LSP1: variants seen among roughly 807,000 people sequenced by gnomAD.
LSP1 encodes the protein lymphocyte-specific protein 1.
LSP1 carries 32 observed loss-of-function variants against 49.3 expected under a neutral mutation model. The ratio of observed to expected loss-of-function variants is 0.65; its 90% CI spans 0.49 to 0.87. The LOEUF is 0.87. Among genes scored for constraint, LSP1 ranks in the 40% least tolerant of loss-of-function variants. LSP1 has a pLI of 0.00. For missense variants in LSP1, 428 were observed against 442.6 expected (o/e 0.97, Z 0.30); for synonymous variants, 179 against 178.8 (o/e 1.00, Z -0.01).
intron 1 of LSP1, among the ~76,000 whole-genome samples, chr11:1,877,859 G>C (rs1371348220): frequency 2.0e-5 from 3 of 152,036 alleles, no homozygotes; most frequent in African/African-American, 4.8e-5. Flanking sequence ...TCCATGTGTT[G>C]GGCATGAGCT....
chr11:1,876,653 G>T (rs756476501), intron 1 of LSP1: 5 of 984,602 alleles, frequency 5.1e-6, no homozygotes, highest in Non-Finnish European at 6.0e-6. Context: ...GAGGTGGGTA[G>T]CTGGGAGTGC....
chr11:1,863,477 A>G (rs1847694891), intron 1 of LSP1: 1 of 152,200 alleles, frequency 6.6e-6, no homozygotes, highest in Non-Finnish European at 1.5e-5. Context: ...CCAGGCCCTC[A>G]CTCTGTGACC....
At chr11:1,866,354 G>C in intron 1 of LSP1, 1 of 913,480 alleles carries the variant, frequency 1.1e-6, no homozygotes. Context: ...GAGACTCTGA[G>C]AGGCCAGAGA....
chr11:1,856,456 G>GC (rs1285683445), intron 1 of LSP1, among the ~76,000 whole-genome samples: 1 of 152,244 alleles, frequency 6.6e-6, no homozygotes, highest in South Asian at 2.1e-4. Context: ...GGCCTGCCCA[G>GC]CCCGCGGTGG....
chr11:1,887,619 C>CGTGT, intron 10 of LSP1, 43 bp downstream of exon 10: 3 of 1,501,248 alleles, frequency 2.0e-6, no homozygotes, highest in Non-Finnish European at 1.8e-6. Flanking sequence ...GGTGCACACA[C>CGTGT]GTGCACTGTG....
At chr11:1,878,070 C>A (rs371035196) in intron 1 of LSP1, among the ~76,000 whole-genome samples, 1 of 151,988 alleles carries the variant, frequency 6.6e-6, no homozygotes, top group East Asian at 1.9e-4. Context: ...AGCCCAGGTC[C>A]AAGGAGGAGC....
At position 1,886,856 on chromosome 11, in the gene LSP1, C is replaced by G. The variant is rs138247091; in HGVS notation, c.842C>G (p.Pro281Arg). 1.2e-6 allele frequency: 2 copies of G among 1,611,230 alleles called. No individual in the cohort carries two copies. The highest frequency in any genetic ancestry group is 1.7e-5 in the Admixed American group (1 of 59,940). Residue 281 changes from proline (P) to arginine (R), a missense_variant, in exon 8 of 11, where the codon CCG becomes CGG. Coordinates refer to ENST00000311604, the MANE Select transcript of LSP1 (RefSeq NM_002339.3). ...EVQAQSAAKT[P>R]SCKDIVAGDM... Reference sequence around the variant, plus strand: ...CAGGCTCAGTCTGCGGCCAAGACTCCGTCCTGCAAGGTAAGGTCCCCTCCA... The same window carrying G: ...CAGGCTCAGTCTGCGGCCAAGACTCGGTCCTGCAAGGTAAGGTCCCCTCCA...
At chr11:1,875,676 G>A (rs1404144780) in intron 1 of LSP1, among the ~76,000 whole-genome samples, 1 of 152,230 alleles carries the variant, frequency 6.6e-6, no homozygotes, top group Non-Finnish European at 1.5e-5. Context: ...ACCCTCCCCT[G>A]CCATGCCCAG....
In LSP1 at chr11:1,883,298, C is replaced by T. The variant is rs7926382; in HGVS notation, c.357-121C>T. 6.8e-3 allele frequency: 8,512 copies of T among 1,248,750 alleles called. 395 individuals are homozygous for T. In the African/African-American group the frequency reaches 0.11, roughly 16 times the overall value. The allele number at this position is 1,248,750 out of a possible 1,614,324, so 77.4% of individuals were successfully genotyped here. The stretch of plus-strand genomic sequence containing the variant: ...TGGGCTTGGGTCTCAGATCCCTTGG[C>T]ACTCAAGTAGCCTGACTACCTTCAT... On this transcript the variant is annotated intron_variant, in intron 3 of 10. Transcript: ENST00000311604.
chr11:1,889,809 G>A, intron 10 of LSP1: 1 of 638,846 alleles, frequency 1.6e-6, no homozygotes, highest in Non-Finnish European at 2.9e-6. Context: ...AGCCTCTCTG[G>A]GCACTGAGGC....
At chr11:1,871,845 AGGCAGGCCTGGGCTGTAGTCACCCTGGCG>A (rs1848026312) in intron 1 of LSP1, among the ~76,000 whole-genome samples, 8 of 47,580 alleles carry the variant, frequency 1.7e-4, no homozygotes, top group South Asian at 8.6e-4. Flanking sequence ...TGTGTGTGGC[AGGCAGGCCTGGGCTGTAGTCACCCTGGCG>A]CACGCTGGTA....
chr11:1,883,513 G>A lies in LSP1; in HGVS notation c.451G>A (p.Val151Ile), dbSNP rs1589829361. Residue 151 changes from valine to isoleucine, a missense_variant, in exon 4 of 11, where the codon GTC becomes ATC. Physicochemically the swap from Val to Ile is conservative, Grantham distance 29. Transcript: ENST00000311604. ...GGAGGGGCCAGGCCCAGAGGACACTGTCCAGGACAACCTGGGGGCCGCAGG... is the reference window on the plus strand; with the variant it reads ...GGAGGGGCCAGGCCCAGAGGACACTATCCAGGACAACCTGGGGGCCGCAGG... ...SKEGPGPEDT[V>I]QDNLGAAGAE... The A allele has an allele frequency of 1.9e-6, 3 of 1,613,764 alleles. No homozygotes were observed. Among genetic ancestry groups the A allele is most frequent in the African/African-American group, 1.3e-5 (1 of 74,938 alleles).
intron 1 of LSP1, among the ~76,000 whole-genome samples, chr11:1,854,266 C>A (rs1296853003): frequency 6.6e-6 from 1 of 152,044 alleles, no homozygotes; most frequent in South Asian, 2.1e-4. Flanking sequence ...GTGTGATGCC[C>A]GCAGCCACAC....
chr11:1,889,651 G>A (rs547751443), intron 10 of LSP1: 1 of 628,848 alleles, frequency 1.6e-6, no homozygotes, highest in African/African-American at 1.8e-5. Flanking sequence ...GCCCAGGCAG[G>A]GCTGGACACT....
chr11:1,860,895 G>A (rs1015697558), intron 1 of LSP1, among the ~76,000 whole-genome samples: 6 of 152,044 alleles, frequency 3.9e-5, no homozygotes, highest in Non-Finnish European at 7.4e-5. Flanking sequence ...ATAAATGATT[G>A]GAAAGATTAA....
At chr11:1,856,843 G>A (rs2685284) in intron 1 of LSP1, among the ~76,000 whole-genome samples, 53,174 of 152,186 alleles carry the variant, frequency 0.35, 9,577 homozygotes, top group East Asian at 0.52. Context: ...GCTGGGGCAG[G>A]TGGCCCTGAG....
intron 1 of LSP1, among the ~76,000 whole-genome samples, chr11:1,864,685 C>T (rs948097552): frequency 1.8e-4 from 27 of 151,746 alleles, no homozygotes; most frequent in African/African-American, 6.3e-4. Context: ...GCTGAGAGTC[C>T]TGAAGTAGGA....
chr11:1,855,117 C>G (rs772209466), intron 1 of LSP1, among the ~76,000 whole-genome samples: 1 of 152,176 alleles, frequency 6.6e-6, no homozygotes, highest in African/African-American at 2.4e-5. Flanking sequence ...CCCCTGCCCC[C>G]GCGAATTGCA....
At chr11:1,857,113 G>A (rs1249249494) in intron 1 of LSP1, among the ~76,000 whole-genome samples, 1 of 152,222 alleles carries the variant, frequency 6.6e-6, no homozygotes, top group Admixed American at 6.5e-5. Flanking sequence ...GAAGCAGAAG[G>A]ATGTCTTCTT....
Sources: gnomAD v4.1 joint callset for allele counts (sites outside exome capture counted in the v4.1 genomes callset) on GRCh38, gnomAD v4.1.1 for gene constraint, MANE v1.5 for transcripts, NCBI Gene and HGNC (gene_info 2026-07-23, HGNC 2026-07-21) for gene names.